The following CARD8 variants were observed in gnomAD, a reference collection of about 807,000 sequenced individuals.
CARD8 encodes the protein caspase recruitment domain-containing protein 8.
CARD8 carries 38 observed loss-of-function variants against 53.2 expected under a neutral mutation model. That is an observed-to-expected ratio of 0.71 (90% CI 0.55 to 0.94). CARD8 has a LOEUF of 0.94. Ranked by LOEUF, CARD8 falls within the 40% of genes least tolerant of loss-of-function variation. The pLI is 0.00. For synonymous variants in CARD8, 245 were observed against 244.9 expected (o/e 1.00, Z 0.00); for missense variants, 561 against 655.5 (o/e 0.86, Z 1.57).
At position 48,239,377 on chromosome 19, in the gene CARD8, G is replaced by C. The variant is rs555994047; in HGVS notation, c.60-845C>G. Among the ~76,000 whole-genome samples the C allele has an allele frequency of 3.9e-5, 6 of 152,038 alleles. 1 individual carries two copies. The East Asian group carries it at 1.2e-3, about 29-fold the overall frequency. On this transcript the variant is annotated intron_variant, in intron 4 of 13. Transcript: ENST00000651546. The stretch of plus-strand genomic sequence containing the variant: ...TCATAGAAGGCTAAAATTACTTAGC[G>C]CAAGAGTTGGAAACACTGGGTTCCC...
At chr19:48,215,415 A>AT in intron 12 of CARD8, 31 bp from the exon 13 acceptor site, 2 of 1,520,102 alleles carry the variant, frequency 1.3e-6, no homozygotes, top group Non-Finnish European at 1.8e-6. Flanking sequence ...ATATGATGAG[A>AT]TGAGATAAAT....
At chr19:48,207,740 T>TTTTTTTTTG (rs2037446932), downstream of CARD8, among the ~76,000 whole-genome samples, 2 of 96,804 alleles carry the variant, frequency 2.1e-5, no homozygotes, top group Admixed American at 1.0e-4. Flanking sequence ...TTCTGTTTTT[T>TTTTTTTTTG]TTTTTTTTTT....
chr19:48,223,970 A>AT (rs1389494441), intron 10 of CARD8: 141 of 435,722 alleles, frequency 3.2e-4, no homozygotes, highest in Admixed American at 4.5e-4. Context: ...CCCAAATGCA[A>AT]TTTTTTTTTG....
chr19:48,244,886 A>G (rs1022854536), intron 3 of CARD8, among the ~76,000 whole-genome samples: 1 of 152,198 alleles, frequency 6.6e-6, no homozygotes, highest in African/African-American at 2.4e-5. Context: ...TGGGGGGAAA[A>G]AAACTCCACC....
At chr19:48,238,332 G>A in intron 5 of CARD8, 51 bp downstream of exon 5, 1 of 1,521,464 alleles carries the variant, frequency 6.6e-7, no homozygotes, top group South Asian at 1.2e-5. Flanking sequence ...TAAACCAATG[G>A]AGCAAAATTC....
intron 10 of CARD8, 30 bp downstream of exon 10, chr19:48,230,408 T>C (rs1480876358): frequency 6.4e-7 from 1 of 1,565,164 alleles, no homozygotes; most frequent in East Asian, 2.3e-5. Flanking sequence ...AATCGTCATC[T>C]TCTCTGGTCT....
intron 11 of CARD8, among the ~76,000 whole-genome samples, chr19:48,221,018 AAGAAAGAG>A: frequency 1.4e-5 from 2 of 147,140 alleles, no homozygotes; most frequent in African/African-American, 5.1e-5. Context: ...AAAAGAAAGA[AAGAAAGAG>A]AGAAAGAGGG....
chr19:48,254,790 T>C (rs2047382397), intron 1 of CARD8, among the ~76,000 whole-genome samples: 1 of 152,144 alleles, frequency 6.6e-6, no homozygotes, highest in African/African-American at 2.4e-5. Flanking sequence ...AGGGCTCTTA[T>C]CCTTGCATGC....
intron 5 of CARD8, among the ~76,000 whole-genome samples, chr19:48,237,067 C>T (rs1237115685): frequency 3.3e-5 from 5 of 152,066 alleles, no homozygotes; most frequent in Non-Finnish European, 5.9e-5. Flanking sequence ...TGAGACACCG[C>T]GCCTGGCCTG....
At chr19:48,229,698 G>A (rs922942023) in intron 10 of CARD8, among the ~76,000 whole-genome samples, 2 of 152,232 alleles carry the variant, frequency 1.3e-5, no homozygotes, top group South Asian at 2.1e-4. Flanking sequence ...TAACTCAGAA[G>A]AGAGTGTGGG....
intron 13 of CARD8, among the ~76,000 whole-genome samples, chr19:48,213,594 A>C (rs6509363): frequency 1.3e-5 from 2 of 152,034 alleles, no homozygotes; most frequent in Non-Finnish European, 2.9e-5. Context: ...GGCTGGTCTC[A>C]AACTCCTGAC....
rs1406702390 is a variant in CARD8, at chr19:48,210,893, CAG to C, written c.*815_*816del. ...GACAGCTGAAATGGCTACAAAATGA[CAG>C]AGTCTATGGTAGAATCCAAATGTCA... On this transcript the variant is annotated 3_prime_UTR_variant, in exon 14 of 14. Transcript: ENST00000651546. 1.3e-5 allele frequency: 2 copies of C among 152,462 alleles called. No homozygotes were observed. Among genetic ancestry groups the C allele is most frequent in the East Asian group, 1.9e-4 (1 of 5,332 alleles). 9.4% of individuals were successfully genotyped at this position (152,462 alleles called of 1,614,324 possible).
intron 1 of CARD8, among the ~76,000 whole-genome samples, chr19:48,255,270 G>C (rs1166003398): frequency 6.6e-6 from 1 of 152,120 alleles, no homozygotes; most frequent in East Asian, 1.9e-4. Flanking sequence ...GGAGACTGAG[G>C]CACGAGAATC....
chr19:48,246,107 G>C (rs2046064698), intron 3 of CARD8, among the ~76,000 whole-genome samples: 1 of 152,082 alleles, frequency 6.6e-6, no homozygotes, highest in Admixed American at 6.6e-5. Context: ...TCCAGTCTGT[G>C]ACCGTTTCTT....
At chr19:48,252,316 A>G (rs2047023107) in intron 1 of CARD8, among the ~76,000 whole-genome samples, 2 of 152,044 alleles carry the variant, frequency 1.3e-5, no homozygotes, top group East Asian at 3.9e-4. Flanking sequence ...AGTCAATATA[A>G]ATAACAGTAT....
intron 13 of CARD8, among the ~76,000 whole-genome samples, chr19:48,212,219 C>G (rs1356281799): frequency 6.6e-6 from 1 of 152,304 alleles, no homozygotes; most frequent in Non-Finnish European, 1.5e-5. Flanking sequence ...TTTCTTGAAG[C>G]CTGTTTCTTC....
intron 4 of CARD8, among the ~76,000 whole-genome samples, chr19:48,240,684 G>A (rs910425188): frequency 6.6e-6 from 1 of 151,760 alleles, no homozygotes; most frequent in African/African-American, 2.4e-5. Flanking sequence ...CAGAAGAATC[G>A]CTTGAACCCA....
At chr19:48,236,588 T>C (rs2043931012) in intron 5 of CARD8, among the ~76,000 whole-genome samples, 1 of 152,166 alleles carries the variant, frequency 6.6e-6, no homozygotes, top group Non-Finnish European at 1.5e-5. Flanking sequence ...GCACTGCTTT[T>C]AAAATATCCC....
rs2037972804 is a variant in CARD8 at position 48,211,579 on chromosome 19, G to A, written c.*131C>T. On this transcript the variant is annotated 3_prime_UTR_variant, in exon 14 of 14. Transcript: ENST00000651546. The stretch of plus-strand genomic sequence containing the variant: ...ACATGCCAGGTTACAAGTCTGTCCT[G>A]AAAGCCTGTGTGATAGATGTTACCC... The A allele has an allele frequency of 3.5e-6, 3 of 860,170 alleles. No individual in the cohort carries two copies. Among genetic ancestry groups the A allele is most frequent in the Admixed American group, 5.0e-5 (2 of 40,232 alleles). 53.3% of individuals were successfully genotyped at this position (860,170 alleles called of 1,614,324 possible). A position where few individuals can be genotyped will look rare whatever the true frequency, so the allele number is the denominator to read the frequency against.
Sources: gnomAD v4.1 joint callset for allele counts (sites outside exome capture counted in the v4.1 genomes callset) on GRCh38, gnomAD v4.1.1 for gene constraint, MANE v1.5 for transcripts, NCBI Gene and HGNC (gene_info 2026-07-23, HGNC 2026-07-21) for gene names.